FMO2: variants seen among roughly 807,000 people sequenced by gnomAD.
The protein encoded by FMO2 is flavin containing dimethylaniline monoxygenase 2.
FMO2 carries 33 observed loss-of-function variants against 41.6 expected under a neutral mutation model. The ratio of observed to expected loss-of-function variants is 0.79; its 90% CI spans 0.60 to 1.06. The LOEUF (loss-of-function observed/expected upper bound fraction) is 1.06, where lower values mean the gene tolerates loss of function less well. FMO2 is among the 50% of genes least tolerant of loss of function. FMO2 has a pLI of 0.00. For missense variants in FMO2, 619 were observed against 632.9 expected (o/e 0.98, Z 0.23); for synonymous variants, 214 against 219.6 (o/e 0.97, Z 0.23).
At chr1:171,187,552 T>C (rs1226875320) in intron 2 of FMO2, among the ~76,000 whole-genome samples, 1 of 147,980 alleles carries the variant, frequency 6.8e-6, no homozygotes, top group African/African-American at 2.5e-5. Flanking sequence ...AGGGTCCTAC[T>C]CTGTCACCCA....
chr1:171,197,933 G>A (rs955592630), intron 4 of FMO2, among the ~76,000 whole-genome samples: 2 of 152,160 alleles, frequency 1.3e-5, no homozygotes, highest in Non-Finnish European at 2.9e-5. Context: ...CCACAATTGT[G>A]TGCCAGAAGA....
intron 4 of FMO2, among the ~76,000 whole-genome samples, chr1:171,198,296 T>C (rs1461632464): frequency 2.0e-5 from 3 of 152,110 alleles, no homozygotes; most frequent in Non-Finnish European, 4.4e-5. Flanking sequence ...TTAGTTTTAG[T>C]TTTTGTTTAC....
Position 171,207,736 on chromosome 1 carries a change from C to G in FMO2, c.1202C>G (p.Ser401Ter). 1 of 1,610,152 alleles carries G rather than the reference C, an allele frequency of 6.2e-7. No individual in the cohort carries two copies. Among genetic ancestry groups the G allele is most frequent in the Non-Finnish European group, 8.5e-7 (1 of 1,177,228 alleles). ...RVFKGLCSLP[S>*]ERTMMMDIIK... ...TCCTTAGGCTTGTGTAGCCTGCCCT[C>G]AGAGAGAACTATGATGATGGACATT... Residue 401 changes from serine (S) to a stop codon, truncating the protein, a stop_gained, in exon 8 of 9, where the codon TCA becomes TGA. Transcript: ENST00000209929. LOFTEE classifies it high-confidence loss of function.
chr1:171,190,081 G>C (rs963532790), intron 2 of FMO2, among the ~76,000 whole-genome samples: 2 of 152,152 alleles, frequency 1.3e-5, no homozygotes, highest in African/African-American at 4.8e-5. Flanking sequence ...CGAAGAAAAA[G>C]TTTAATTTGT....
rs867519789 is a variant in FMO2, at chr1:171,185,944, C to G, written c.132+99C>G. On this transcript the variant is annotated intron_variant, in intron 2 of 8. Transcript: ENST00000209929. ...ATATTGAGAAATTTATTAAACAACT[C>G]TGATCAGATTTTATTTCTACTTATT... 83 of 1,226,900 alleles carry G rather than the reference C, an allele frequency of 6.8e-5. No individual in the cohort carries two copies. The African/African-American group carries it at 1.1e-3, about 16-fold the overall frequency. 76.0% of individuals were successfully genotyped at this position (1,226,900 alleles called of 1,614,324 possible).
rs1054858986 is a variant in FMO2 at position 171,199,400 on chromosome 1, A to C, written c.539A>C (p.Asp180Ala). 26 of 1,612,270 alleles carry C rather than the reference A, an allele frequency of 1.6e-5. No homozygotes were observed. The highest frequency in any genetic ancestry group is 2.2e-5 in the Non-Finnish European group (26 of 1,179,302). ...CATAGCCGCCAATACAAGCATCCAG[A>C]TGGATTTGAGGGAAAACGCATCCTG... The part of the protein sequence containing the change: ...YFHSRQYKHP[D>A]GFEGKRILVI... Residue 180 changes from aspartate to alanine, a missense_variant, in exon 5 of 9, where the codon GAT becomes GCT. By Grantham distance (126) the Asp-to-Ala change is moderately radical (BLOSUM62 -2). Coordinates refer to ENST00000209929, the MANE Select transcript of FMO2 (RefSeq NM_001460.5).
rs1658873247 is a variant in FMO2 at position 171,208,953 on chromosome 1, G to T, written c.1416G>T (p.Gln472His). 6.2e-7 allele frequency: 1 copy of T among 1,613,088 alleles called. No homozygotes were observed. Among genetic ancestry groups the T allele is most frequent in the Admixed American group, 1.7e-5 (1 of 59,906 alleles). The change falls in exon 9 of 9, where the codon CAG becomes CAT. Residue 472 changes from glutamine (Q) to histidine (H), a missense_variant. Physicochemically the swap from Gln to His is conservative, Grantham distance 24. Coordinates refer to ENST00000209929, the MANE Select transcript of FMO2 (RefSeq NM_001460.5). ...RLYFGPCNSYQYRLVGPGQWE... is the reference protein window; with the variant it reads ...RLYFGPCNSYHYRLVGPGQWE... ...ATTTCGGACCCTGCAACTCCTATCA[G>T]TATCGCCTGGTTGGGCCTGGGCAAT... is the stretch of plus-strand genomic sequence containing the variant.
chr1:171,204,802 A>C (rs1366639625), intron 6 of FMO2, among the ~76,000 whole-genome samples: 1 of 152,244 alleles, frequency 6.6e-6, no homozygotes, highest in African/African-American at 2.4e-5. Flanking sequence ...AACAAATATC[A>C]CCAAACCTAA....
chr1:171,193,444 T>C lies in FMO2; in HGVS notation c.242T>C (p.Phe81Ser), dbSNP rs2020860. The C allele has an allele frequency of 0.055, 89,049 of 1,611,114 alleles. 4,375 individuals are homozygous for C. The highest frequency in any genetic ancestry group is 0.26 in the African/African-American group (19,663 of 74,714). Reference sequence around the variant, plus strand: ...CCAATGCCTGAAGATTTTCCAAACTTCCTGCATAATTCTAAACTTCTGGAA... The same window carrying C: ...CCAATGCCTGAAGATTTTCCAAACTCCCTGCATAATTCTAAACTTCTGGAA... ...DFPMPEDFPN[F>S]LHNSKLLEYF... The change falls in exon 3 of 9, where the codon TTC (phenylalanine) becomes TCC (serine). Residue 81 changes from phenylalanine to serine, a missense_variant. Coordinates refer to ENST00000209929, the MANE Select transcript of FMO2 (RefSeq NM_001460.5).
intron 2 of FMO2, among the ~76,000 whole-genome samples, chr1:171,191,508 C>T (rs1326184780): frequency 6.6e-6 from 1 of 152,072 alleles, no homozygotes; most frequent in Non-Finnish European, 1.5e-5. Flanking sequence ...GTATTTTGAG[C>T]CAGGGATTCT....
At chr1:171,206,107 C>T (rs1286033459) in intron 7 of FMO2, among the ~76,000 whole-genome samples, 3 of 152,174 alleles carry the variant, frequency 2.0e-5, no homozygotes, top group African/African-American at 7.2e-5. Flanking sequence ...TCATACTCCT[C>T]AGAACGGTGT....
rs1353339848 is a variant in FMO2, at chr1:171,193,520, C to T, written c.318C>T (p.Phe106=). 6.3e-7 allele frequency: 1 copy of T among 1,584,744 alleles called. No individual in the cohort carries two copies. The highest frequency in any genetic ancestry group is 8.6e-7 in the Non-Finnish European group (1 of 1,156,954). ...TTGATCTGCTAAAATATATTCAGTTCCAGGTATTGTATTTTTGGGGAAATG... is the reference window on the plus strand; with the variant it reads ...TTGATCTGCTAAAATATATTCAGTTTCAGGTATTGTATTTTTGGGGAAATG... The part of the protein sequence containing the change: ...KKFDLLKYIQ[F]QTTVLSVRKC... Residue 106 remains phenylalanine (F), a synonymous_variant, in exon 3 of 9, where the codon TTC becomes TTT. Coordinates refer to ENST00000209929, the MANE Select transcript of FMO2 (RefSeq NM_001460.5).
chr1:171,185,707 G>A lies in FMO2; in HGVS notation c.-6-1G>A, dbSNP rs376748643. On this transcript the variant is annotated splice_acceptor_variant, in intron 1 of 8. Coordinates refer to ENST00000209929, the MANE Select transcript of FMO2 (RefSeq NM_001460.5). LOFTEE classifies it low-confidence loss of function (5UTR_SPLICE). ...ATGTTGATTGATCAACTCCTTGACAGGAGCTGATGGCAAAGAAGGTAGCTG... is the reference window on the plus strand; with the variant it reads ...ATGTTGATTGATCAACTCCTTGACAAGAGCTGATGGCAAAGAAGGTAGCTG... 135 of 1,613,518 alleles carry A rather than the reference G, an allele frequency of 8.4e-5. No individual in the cohort carries two copies. The highest frequency in any genetic ancestry group is 1.1e-4 in the Non-Finnish European group (130 of 1,179,636).
rs138311099 is a variant in FMO2 at position 171,203,469 on chromosome 1, G to A, written c.628-396G>A. Reference sequence around the variant, plus strand: ...CTTGTGTAGTCACTAGGCTATAATCGCACATTTCCAAGGATTATAATCATT... The same window carrying A: ...CTTGTGTAGTCACTAGGCTATAATCACACATTTCCAAGGATTATAATCATT... On this transcript the variant is annotated intron_variant, in intron 5 of 8. Coordinates refer to ENST00000209929, the MANE Select transcript of FMO2 (RefSeq NM_001460.5). 7.6e-3 allele frequency among the ~76,000 whole-genome samples: 1,154 copies of A among 152,090 alleles called. 7 individuals are homozygous for A. Among genetic ancestry groups the A allele is most frequent in the Middle Eastern group, 0.017 (5 of 294 alleles).
In FMO2 at chr1:171,212,467, T is replaced by C. The variant is rs954254567; in HGVS notation, c.*3322T>C. Among the ~76,000 whole-genome samples, 2 of 152,186 alleles carry C rather than the reference T, an allele frequency of 1.3e-5. No homozygotes were observed. The highest frequency in any genetic ancestry group is 2.9e-5 in the Non-Finnish European group (2 of 68,030). The stretch of plus-strand genomic sequence containing the variant: ...AAAATGGACTAAGACACCACCCTTT[T>C]CCAAAATCTCTCCTTGTGATGGCTC... On this transcript the variant is annotated 3_prime_UTR_variant, in exon 9 of 9. Transcript: ENST00000209929.
chr1:171,187,355 C>CT (rs1256433836), intron 2 of FMO2, among the ~76,000 whole-genome samples: 3 of 152,182 alleles, frequency 2.0e-5, no homozygotes, highest in Admixed American at 6.5e-5. Context: ...AGGGCTCTCA[C>CT]TGCAGGCTGA....
At chr1:171,188,793 T>C (rs1456995989) in intron 2 of FMO2, 1 of 152,178 alleles carries the variant, frequency 6.6e-6, no homozygotes, top group Non-Finnish European at 1.5e-5. Context: ...AATTTAAGAA[T>C]CCTTGTCCTA....
rs564810132 is a variant in FMO2 at position 171,208,739 on chromosome 1, T to G, written c.1257-55T>G. ...CTTTAGCAGTTTTGAATGCCTAATA[T>G]TCTAGAAAACTTAGAACATTCTGTG... On this transcript the variant is annotated intron_variant, in intron 8 of 8. Coordinates refer to ENST00000209929, the MANE Select transcript of FMO2 (RefSeq NM_001460.5). The G allele has an allele frequency of 3.3e-5, 51 of 1,557,010 alleles. No homozygotes were observed. In the African/African-American group the frequency reaches 3.7e-4, roughly 11 times the overall value.
chr1:171,203,840 A>T, intron 5 of FMO2, 25 bp from the exon 6 acceptor site: 1 of 1,606,196 alleles, frequency 6.2e-7, no homozygotes, highest in Non-Finnish European at 8.5e-7. Context: ...CCCTAATTTA[A>T]ACTGCATTTC....
Sources: allele counts gnomAD v4.1 joint callset (sites outside exome capture counted in the v4.1 genomes callset), GRCh38; gene constraint gnomAD v4.1.1; transcripts MANE v1.5; gene names NCBI Gene and HGNC (gene_info 2026-07-23, HGNC 2026-07-21).